The following MAD1L1 variants were observed in gnomAD, a reference collection of about 807,000 sequenced individuals.
MAD1L1 encodes the protein mitotic arrest deficient 1 like 1, also known as mitotic spindle assembly checkpoint protein MAD1.
In MAD1L1, 95 loss-of-function variants were observed where a neutral mutation model predicts 96.9. The observed-to-expected ratio is 0.98, with a 90% confidence interval of 0.83 to 1.16. The LOEUF (loss-of-function observed/expected upper bound fraction) is 1.16, where lower values mean the gene tolerates loss of function less well. MAD1L1 is among the 50% of genes most tolerant of loss of function. The pLI is 0.00. For missense variants in MAD1L1, 1,007 were observed against 954.4 expected (o/e 1.06, Z -0.73); for synonymous variants, 473 against 396.6 (o/e 1.19, Z -2.29).
At chr7:1,832,587 G>C (rs1382764404) in intron 18 of MAD1L1, among the ~76,000 whole-genome samples, 1 of 127,482 alleles carries the variant, frequency 7.8e-6, no homozygotes, top group Non-Finnish European at 1.6e-5. Flanking sequence ...GAAAGGAAGA[G>C]TCAATCAATG....
intron 18 of MAD1L1, among the ~76,000 whole-genome samples, chr7:1,868,473 T>TCCCC (rs1583601021): frequency 3.8e-5 from 5 of 130,236 alleles, no homozygotes; most frequent in Admixed American, 8.0e-5. Context: ...CAGCGAGGCC[T>TCCCC]CCCACCCACC....
chr7:1,858,154 G>A (rs116716197), intron 18 of MAD1L1, among the ~76,000 whole-genome samples: 6,603 of 152,294 alleles, frequency 0.043, 220 homozygotes, highest in African/African-American at 0.081. Flanking sequence ...CTCAGCACGG[G>A]CTCAGGCTGA....
At chr7:2,104,570 T>C (rs1007063010) in intron 11 of MAD1L1, among the ~76,000 whole-genome samples, 1 of 152,242 alleles carries the variant, frequency 6.6e-6, no homozygotes, top group African/African-American at 2.4e-5. Flanking sequence ...ACTACAGATC[T>C]TCCACGAAAG....
intron 10 of MAD1L1, among the ~76,000 whole-genome samples, chr7:2,168,427 T>C (rs1335959569): frequency 2.0e-5 from 3 of 152,220 alleles, no homozygotes; most frequent in Admixed American, 1.3e-4. Flanking sequence ...TCTTTGAACT[T>C]GCTGAGCAAT....
In MAD1L1 at chr7:2,112,991, G is replaced by C. The variant is rs564816469; in HGVS notation, c.1073+36161C>G. Among the ~76,000 whole-genome samples the C allele has an allele frequency of 2.0e-5, 3 of 152,316 alleles. No homozygotes were observed. The East Asian group carries it at 5.8e-4, about 29-fold the overall frequency. On this transcript the variant is annotated intron_variant, in intron 11 of 18. Coordinates refer to ENST00000265854, the MANE Select transcript of MAD1L1 (RefSeq NM_001013836.2). ...CCGAATCCGCAGAGCACTGGGTCACGGCCGTGAAGTAAAACAGAGAAGGAA... is the reference window on the plus strand; with the variant it reads ...CCGAATCCGCAGAGCACTGGGTCACCGCCGTGAAGTAAAACAGAGAAGGAA...
intron 12 of MAD1L1, among the ~76,000 whole-genome samples, chr7:2,029,719 C>A (rs758664306): frequency 2.6e-5 from 4 of 152,070 alleles, no homozygotes; most frequent in Non-Finnish European, 5.9e-5. Context: ...AACTTTCTGG[C>A]AGTGGGAGAG....
At chr7:2,230,198 C>T in intron 2 of MAD1L1, 55 bp from the exon 3 acceptor site, 1 of 1,461,298 alleles carries the variant, frequency 6.8e-7, no homozygotes, top group Non-Finnish European at 9.3e-7. Context: ...GTGCCATCAG[C>T]CGTGCAGTCA....
intron 11 of MAD1L1, among the ~76,000 whole-genome samples, chr7:2,098,219 C>T (rs1049367738): frequency 6.6e-6 from 1 of 152,192 alleles, no homozygotes; most frequent in Non-Finnish European, 1.5e-5. Flanking sequence ...GGGCTGACTG[C>T]ACAGCGCCGT....
chr7:1,913,849 G>T (rs562577103), intron 17 of MAD1L1, among the ~76,000 whole-genome samples: 6 of 152,266 alleles, frequency 3.9e-5, no homozygotes, highest in South Asian at 4.1e-4. Context: ...CACCCCTATG[G>T]GAAGAATCCT....
chr7:2,082,696 G>A (rs1428405737), intron 11 of MAD1L1, among the ~76,000 whole-genome samples: 3 of 152,222 alleles, frequency 2.0e-5, no homozygotes, highest in East Asian at 1.9e-4. Context: ...GAGGCAAAGC[G>A]ATCTCTGTGG....
At chr7:1,824,987 G>A (rs1365746168) in intron 18 of MAD1L1, among the ~76,000 whole-genome samples, 4 of 138,306 alleles carry the variant, frequency 2.9e-5, no homozygotes, top group African/African-American at 5.3e-5. Flanking sequence ...CACTCACAGA[G>A]TGCAAAAGGA....
chr7:1,933,421 G>C (rs1052261408), intron 17 of MAD1L1, among the ~76,000 whole-genome samples: 2 of 152,284 alleles, frequency 1.3e-5, no homozygotes, highest in Admixed American at 1.3e-4. Flanking sequence ...TGGCGGGGGT[G>C]TGCGATCCAG....
At chr7:2,011,570 G>A (rs1001437184) in intron 13 of MAD1L1, among the ~76,000 whole-genome samples, 6 of 152,174 alleles carry the variant, frequency 3.9e-5, no homozygotes, top group African/African-American at 1.4e-4. Flanking sequence ...AGGCTCCGCA[G>A]GTGACCTGGT....
chr7:1,847,726 G>C (rs6957894), intron 18 of MAD1L1: 1 of 469,532 alleles, frequency 2.1e-6, no homozygotes, highest in African/African-American at 2.0e-5. Context: ...CCATCGCTTC[G>C]GCGTCCCTGG....
At chr7:2,080,106 T>TTA in intron 11 of MAD1L1, 1 of 195,024 alleles carries the variant, frequency 5.1e-6, no homozygotes, top group South Asian at 8.9e-5. Flanking sequence ...AGCAGGCGGG[T>TTA]GGGCCAGCCT....
intron 11 of MAD1L1, among the ~76,000 whole-genome samples, chr7:2,138,838 A>G (rs954239939): frequency 6.6e-5 from 10 of 151,996 alleles, no homozygotes; most frequent in Non-Finnish European, 1.3e-4. Context: ...CACAGACCCC[A>G]CTCCTGCAAA....
intron 18 of MAD1L1, among the ~76,000 whole-genome samples, chr7:1,841,903 G>T (rs1490998797): frequency 6.6e-6 from 1 of 152,140 alleles, no homozygotes; most frequent in Admixed American, 6.5e-5. Flanking sequence ...GGTGCTCCCT[G>T]GCTGAGAACC....
At chr7:2,040,526 C>T (rs544389971) in intron 12 of MAD1L1, among the ~76,000 whole-genome samples, 3 of 152,348 alleles carry the variant, frequency 2.0e-5, no homozygotes, top group East Asian at 3.9e-4. Flanking sequence ...GCGCTCCTGT[C>T]GCCTCCATTC....
At position 2,107,039 on chromosome 7, in the gene MAD1L1, G is replaced by T. The variant is rs543254880; in HGVS notation, c.1074-37701C>A. Among the ~76,000 whole-genome samples the T allele has an allele frequency of 2.6e-5, 4 of 152,378 alleles. No individual in the cohort carries two copies. In the East Asian group the frequency reaches 5.8e-4, roughly 22 times the overall value. ...CCGGCCCCACAGCCTGGCTCCCAAG[G>T]ACAGGAAGGGCACCCACATACAGCA... On this transcript the variant is annotated intron_variant, in intron 11 of 18. Transcript: ENST00000265854.
Sources: allele counts gnomAD v4.1 joint callset (sites outside exome capture counted in the v4.1 genomes callset), GRCh38; gene constraint gnomAD v4.1.1; transcripts MANE v1.5; gene names NCBI Gene and HGNC (gene_info 2026-07-23, HGNC 2026-07-21).